Variants in SASH1 observed in about 807,000 individuals in gnomAD.
SASH1 encodes the protein SAM and SH3 domain containing 1.
SASH1 carries 44 observed loss-of-function variants against 125.2 expected under a neutral mutation model. The ratio of observed to expected loss-of-function variants is 0.35; its 90% CI spans 0.28 to 0.45. SASH1 has a LOEUF of 0.45. Ranked by LOEUF, SASH1 falls within the 20% of genes least tolerant of loss-of-function variation. The probability of loss-of-function intolerance (pLI) is 1.00; values close to 1 mark genes in which losing one functional copy is unlikely to be tolerated. For synonymous variants in SASH1, 639 were observed against 649.1 expected (o/e 0.98, Z 0.24); for missense variants, 1,426 against 1,614.5 (o/e 0.88, Z 2.00).
chr6:148,512,770 T>TA (rs1414714261), intron 8 of SASH1: 1 of 984,894 alleles, frequency 1.0e-6, no homozygotes, highest in Non-Finnish European at 1.2e-6. Flanking sequence ...GGCAACATTT[T>TA]ATCTAGTAAT....
intron 1 of SASH1, among the ~76,000 whole-genome samples, chr6:148,299,394 C>T (rs916597919): frequency 6.7e-5 from 10 of 149,948 alleles, no homozygotes; most frequent in Non-Finnish European, 1.0e-4. Flanking sequence ...TCGTTGGGTG[C>T]GGTGGCTCAC....
the SASH1 span, among the ~76,000 whole-genome samples, chr6:148,266,230 A>C: frequency 6.6e-6 from 1 of 152,162 alleles, no homozygotes; most frequent in Non-Finnish European, 1.5e-5. Context: ...CAGCCTCCCA[A>C]AGTGCTGGGA....
At chr6:148,204,291 A>G in the SASH1 span, among the ~76,000 whole-genome samples, 1 of 152,220 alleles carries the variant, frequency 6.6e-6, no homozygotes, top group East Asian at 1.9e-4. Flanking sequence ...AAACCACCAC[A>G]ATCGACAGTA....
rs1243311993 is a variant in SASH1, at chr6:148,532,394, C to CTCTT, written c.1565-398_1565-395dup. ...TCAAGTTTAAACCTACCACTTTAAGCTCTTTCTTACCCTTTTGGGCAAATG... is the reference window on the plus strand; with the variant it reads ...TCAAGTTTAAACCTACCACTTTAAGCTCTTTCTTTCTTACCCTTTTGGGCAAATG... On this transcript the variant is annotated intron_variant, in intron 13 of 19. Transcript: ENST00000367467. The surrounding 1 kb of genome is among the most constrained non-coding windows in gnomAD (Gnocchi z 4.7). Among the ~76,000 whole-genome samples, 2 of 152,204 alleles carry CTCTT rather than the reference C, an allele frequency of 1.3e-5. No individual in the cohort carries two copies. The highest frequency in any genetic ancestry group is 2.4e-5 in the African/African-American group (1 of 41,446).
Position 148,550,157 on chromosome 6 carries a change from T to C in SASH1, c.*1599T>C, listed in dbSNP as rs2115480417. 6.6e-6 allele frequency: 1 copy of C among 152,308 alleles called. No homozygotes were observed. The highest frequency in any genetic ancestry group is 2.4e-5 in the African/African-American group (1 of 41,558). The allele number at this position is 152,308 out of a possible 1,614,324, so 9.4% of individuals were successfully genotyped here. On this transcript the variant is annotated 3_prime_UTR_variant, in exon 20 of 20. Coordinates refer to ENST00000367467, the MANE Select transcript of SASH1 (RefSeq NM_015278.5). ...TAGTGTCTGGTTTTCTAGCAAACAGTAAATTTAAACAAGTAAACTATTATG... is the reference window on the plus strand; with the variant it reads ...TAGTGTCTGGTTTTCTAGCAAACAGCAAATTTAAACAAGTAAACTATTATG...
At chr6:148,195,541 G>C in the SASH1 span, among the ~76,000 whole-genome samples, 1 of 152,218 alleles carries the variant, frequency 6.6e-6, no homozygotes, top group Non-Finnish European at 1.5e-5. Context: ...AATCATGGTT[G>C]TCCAAACTGC....
At chr6:148,452,558 C>G (rs1285451660) in intron 4 of SASH1, among the ~76,000 whole-genome samples, 2 of 152,212 alleles carry the variant, frequency 1.3e-5, no homozygotes, top group African/African-American at 2.4e-5. Flanking sequence ...AGTTGTGGGA[C>G]TGGGAACAAG....
intron 16 of SASH1, among the ~76,000 whole-genome samples, chr6:148,535,159 T>G (rs1326771239): frequency 6.6e-6 from 1 of 152,160 alleles, no homozygotes; most frequent in Non-Finnish European, 1.5e-5. Flanking sequence ...CATGCCAAGG[T>G]CAAACAGCAC....
chr6:148,466,380 C>T (rs1331842180), intron 4 of SASH1, among the ~76,000 whole-genome samples: 1 of 152,214 alleles, frequency 6.6e-6, no homozygotes, highest in African/African-American at 2.4e-5. Flanking sequence ...ATGGGCCTGC[C>T]ACTCAGAAAT....
At chr6:148,440,515 T>C (rs1776500796) in intron 4 of SASH1, 108 bp downstream of exon 4, 2 of 920,846 alleles carry the variant, frequency 2.2e-6, no homozygotes, top group East Asian at 2.4e-5. Context: ...TATGGAGTTA[T>C]GCGATGTCAT....
intron 1 of SASH1, among the ~76,000 whole-genome samples, chr6:148,274,118 G>T (rs1399575048): frequency 6.6e-6 from 1 of 152,076 alleles, no homozygotes; most frequent in Non-Finnish European, 1.5e-5. Flanking sequence ...GATGAACAAA[G>T]CAAAAAATGT....
upstream of SASH1, among the ~76,000 whole-genome samples, chr6:148,271,776 T>A (rs949468932): frequency 6.6e-6 from 1 of 152,160 alleles, no homozygotes; most frequent in Non-Finnish European, 1.5e-5. Context: ...AAACTTACCG[T>A]GTTAAATGGA....
the SASH1 span, among the ~76,000 whole-genome samples, chr6:148,199,861 A>G: frequency 0.025 from 3,761 of 152,218 alleles, 62 homozygotes; most frequent in East Asian, 0.064. Context: ...GAAAGGAAAG[A>G]AAAGAGAAGG....
chr6:148,454,833 G>A (rs1038881493), intron 4 of SASH1, among the ~76,000 whole-genome samples: 1 of 152,112 alleles, frequency 6.6e-6, no homozygotes. Flanking sequence ...TTTATCCACC[G>A]GCTGATTCAT....
At chr6:148,505,000 AG>A (rs1268402768) in intron 8 of SASH1, among the ~76,000 whole-genome samples, 1 of 152,164 alleles carries the variant, frequency 6.6e-6, no homozygotes, top group Non-Finnish European at 1.5e-5. Flanking sequence ...CCCTCCCCAA[AG>A]TATCTGGATA....
chr6:148,398,900 A>G (rs956962017), intron 2 of SASH1, among the ~76,000 whole-genome samples: 4 of 152,196 alleles, frequency 2.6e-5, no homozygotes, highest in Admixed American at 6.5e-5. Flanking sequence ...ACAAAGTCAC[A>G]TTTGTAATCA....
rs538854795 is a variant in SASH1, at chr6:148,527,144, C to G, written c.1285-309C>G. On this transcript the variant is annotated intron_variant, in intron 11 of 19. Coordinates refer to ENST00000367467, the MANE Select transcript of SASH1 (RefSeq NM_015278.5). ...GCCTCAGCCTCCCAAAGGTAAATCA[C>G]TCTTTACTGATGAAATGCAGCCCCC... 8.1e-5 allele frequency: 18 copies of G among 221,692 alleles called. No homozygotes were observed. The South Asian group carries it at 1.4e-3, about 17-fold the overall frequency. The allele number at this position is 221,692 out of a possible 1,614,324, so 13.7% of individuals were successfully genotyped here.
chr6:148,215,317 C>T, the SASH1 span, among the ~76,000 whole-genome samples: 1 of 152,180 alleles, frequency 6.6e-6, no homozygotes. Context: ...CAATCATTAC[C>T]TTTCTTAGTT....
chr6:148,386,424 C>T (rs567680157), intron 1 of SASH1, among the ~76,000 whole-genome samples: 268 of 152,254 alleles, frequency 1.8e-3, no homozygotes, highest in African/African-American at 6.2e-3. Context: ...AACGTGAAAG[C>T]TGGTTGTTTT....
Sources: allele counts gnomAD v4.1 joint callset (sites outside exome capture counted in the v4.1 genomes callset), GRCh38; gene constraint gnomAD v4.1.1; non-coding constraint Gnocchi (gnomAD v3.1); transcripts MANE v1.5; gene names NCBI Gene and HGNC (gene_info 2026-07-23, HGNC 2026-07-21).